DAB1: variants seen among roughly 807,000 people sequenced by gnomAD.
DAB1 encodes the protein disabled homolog 1.
DAB1 carries 15 observed loss-of-function variants against 64.6 expected under a neutral mutation model. That is an observed-to-expected ratio of 0.23 (90% CI 0.16 to 0.36). The LOEUF (loss-of-function observed/expected upper bound fraction) is 0.36, where lower values mean the gene tolerates loss of function less well. Ranked by LOEUF, DAB1 falls within the 10% of genes least tolerant of loss-of-function variation. The probability of loss-of-function intolerance (pLI) is 1.00; values close to 1 mark genes in which losing one functional copy is unlikely to be tolerated. For missense variants in DAB1, 596 were observed against 706.7 expected (o/e 0.84, Z 1.78); for synonymous variants, 235 against 251.9 (o/e 0.93, Z 0.64).
At chr1:58,287,177 G>A (rs895604752) in intron 4 of DAB1, among the ~76,000 whole-genome samples, 1 of 152,050 alleles carries the variant, frequency 6.6e-6, no homozygotes, top group Non-Finnish European at 1.5e-5. Context: ...CTGGAGGGAG[G>A]GAGAGCATCA....
At chr1:58,214,367 C>T (rs1252675504) in intron 4 of DAB1, among the ~76,000 whole-genome samples, 1 of 152,158 alleles carries the variant, frequency 6.6e-6, no homozygotes, top group East Asian at 1.9e-4. Context: ...CTGACTTATG[C>T]TTAAACCTGA....
intron 5 of DAB1, among the ~76,000 whole-genome samples, chr1:57,935,681 C>T (rs1158522738): frequency 6.6e-6 from 1 of 152,074 alleles, no homozygotes; most frequent in East Asian, 1.9e-4. Flanking sequence ...TTGCTAAGGT[C>T]AGTTGAGGGG....
At chr1:57,636,096 CAA>C (rs61007751) in intron 7 of DAB1, among the ~76,000 whole-genome samples, 14 of 64,964 alleles carry the variant, frequency 2.2e-4, no homozygotes, top group Admixed American at 5.4e-4. Context: ...GACACGGTCT[CAA>C]AAAAAAAAAA....
At chr1:58,537,777 T>C (rs939710320) in intron 1 of DAB1, among the ~76,000 whole-genome samples, 3 of 152,224 alleles carry the variant, frequency 2.0e-5, no homozygotes, top group Admixed American at 6.5e-5. Flanking sequence ...AATCAAACTA[T>C]CGAGTATACT....
intron 7 of DAB1, among the ~76,000 whole-genome samples, chr1:57,639,836 T>A (rs1646106292): frequency 6.6e-6 from 1 of 152,204 alleles, no homozygotes; most frequent in Admixed American, 6.5e-5. Flanking sequence ...CTCCCTTCAG[T>A]GCTGAAAACA....
Position 58,392,262 on chromosome 1 carries a change from T to C in DAB1, n.258-48859A>G, listed in dbSNP as rs1644481822. Among the ~76,000 whole-genome samples the C allele has an allele frequency of 2.0e-5, 3 of 152,244 alleles. No individual in the cohort carries two copies. In the South Asian group the frequency reaches 6.2e-4, roughly 32 times the overall value. On this transcript the variant is annotated intron_variant and non_coding_transcript_variant, in intron 3 of 20. Transcript: ENST00000485760. ...TGAAGTCAGCCAGCACCTCTGCATGTACCTCTCACCACGTTTAACCACAGT... is the reference window on the plus strand; with the variant it reads ...TGAAGTCAGCCAGCACCTCTGCATGCACCTCTCACCACGTTTAACCACAGT...
At chr1:58,046,017 G>T (rs1330435192) in intron 5 of DAB1, among the ~76,000 whole-genome samples, 1 of 149,560 alleles carries the variant, frequency 6.7e-6, no homozygotes, top group Non-Finnish European at 1.5e-5. Flanking sequence ...GTTATTAAAT[G>T]ACCTTATTTA....
At chr1:57,720,518 CTG>C (rs1475286333) in intron 6 of DAB1, among the ~76,000 whole-genome samples, 3 of 152,242 alleles carry the variant, frequency 2.0e-5, no homozygotes, top group Non-Finnish European at 4.4e-5. Flanking sequence ...GACCAAAAGA[CTG>C]TAATCAGATG....
chr1:58,068,113 T>C (rs996265161), intron 5 of DAB1, among the ~76,000 whole-genome samples: 6 of 152,212 alleles, frequency 3.9e-5, no homozygotes, highest in African/African-American at 1.4e-4. Flanking sequence ...GAAGGTAAAA[T>C]TCAGGGAAGG....
At chr1:57,689,450 G>A (rs559245363) in intron 6 of DAB1, among the ~76,000 whole-genome samples, 1 of 152,288 alleles carries the variant, frequency 6.6e-6, no homozygotes, top group East Asian at 1.9e-4. Context: ...TTGGTTGAGT[G>A]TGAAAAGGAA....
chr1:57,940,827 G>C (rs1645093432), intron 5 of DAB1, among the ~76,000 whole-genome samples: 1 of 152,154 alleles, frequency 6.6e-6, no homozygotes, highest in South Asian at 2.1e-4. Context: ...AGAGACAGTT[G>C]CTTACCAAGC....
chr1:58,344,067 A>T (rs943277742), intron 3 of DAB1, among the ~76,000 whole-genome samples: 4 of 152,168 alleles, frequency 2.6e-5, no homozygotes, highest in African/African-American at 9.7e-5. Flanking sequence ...AGGCTTTGGA[A>T]TGAGACCAAC....
chr1:58,396,921 C>T (rs1173280469), intron 3 of DAB1, among the ~76,000 whole-genome samples: 1 of 152,008 alleles, frequency 6.6e-6, no homozygotes, highest in African/African-American at 2.4e-5. Flanking sequence ...AAAAACTAGC[C>T]GGGCGTAGTG....
At chr1:57,538,588 G>T (rs1449887140) in intron 7 of DAB1, among the ~76,000 whole-genome samples, 1 of 152,172 alleles carries the variant, frequency 6.6e-6, no homozygotes. Context: ...GCTTGGAGCT[G>T]CATTTATCTT....
intron 1 of DAB1, among the ~76,000 whole-genome samples, chr1:57,403,742 A>G (rs895868231): frequency 5.9e-5 from 9 of 152,204 alleles, no homozygotes; most frequent in Non-Finnish European, 1.0e-4. Context: ...CGTTCACTCT[A>G]TTCTTTGAAC....
chr1:57,011,087 G>C (rs919725385), intron 13 of DAB1, 58 bp downstream of exon 13: 3 of 1,604,854 alleles, frequency 1.9e-6, no homozygotes, highest in Non-Finnish European at 2.6e-6. Context: ...ATCCATTTCA[G>C]TTACAGAGGT....
At chr1:57,956,364 T>A (rs929878980) in intron 5 of DAB1, among the ~76,000 whole-genome samples, 1 of 152,162 alleles carries the variant, frequency 6.6e-6, no homozygotes, top group Non-Finnish European at 1.5e-5. Context: ...GAGGGATTCC[T>A]GTAGAGCAGC....
At chr1:58,543,392 C>T (rs1245551148) in intron 1 of DAB1, among the ~76,000 whole-genome samples, 2 of 152,194 alleles carry the variant, frequency 1.3e-5, no homozygotes, top group Non-Finnish European at 2.9e-5. Flanking sequence ...ATTATCTCTA[C>T]AGCAACTTTA....
intron 7 of DAB1, among the ~76,000 whole-genome samples, chr1:57,648,006 G>A (rs1646213951): frequency 6.6e-6 from 1 of 152,302 alleles, no homozygotes; most frequent in East Asian, 1.9e-4. Flanking sequence ...GCATTAAAGA[G>A]ATTTATTAGA....
Sources: gnomAD v4.1 joint callset for allele counts (sites outside exome capture counted in the v4.1 genomes callset) on GRCh38, gnomAD v4.1.1 for gene constraint, MANE v1.5 for transcripts, NCBI Gene and HGNC (gene_info 2026-07-23, HGNC 2026-07-21) for gene names.